NOS1AP: variants seen among roughly 807,000 people sequenced by gnomAD.
The protein encoded by NOS1AP is carboxyl-terminal PDZ ligand of neuronal nitric oxide synthase protein.
In NOS1AP, 21 loss-of-function variants were observed where a neutral mutation model predicts 56.2. The observed-to-expected ratio is 0.37, with a 90% CI of 0.26 to 0.54. NOS1AP has a LOEUF of 0.54. Ranked by LOEUF, NOS1AP falls within the 20% of genes least tolerant of loss-of-function variation. NOS1AP has a pLI of 0.84. For missense variants in NOS1AP, 522 were observed against 657.8 expected (o/e 0.79, Z 2.26); for synonymous variants, 270 against 274.6 (o/e 0.98, Z 0.17).
rs16859948 is a variant in NOS1AP at position 162,301,015 on chromosome 1, A to G, written c.344+309A>G. Among the ~76,000 whole-genome samples, 1,172 of 152,328 alleles carry G rather than the reference A, an allele frequency of 7.7e-3. 17 individuals carry two copies. Among genetic ancestry groups the G allele is most frequent in the African/African-American group, 0.026 (1,097 of 41,560 alleles). On this transcript the variant is annotated intron_variant, in intron 4 of 9. Coordinates refer to ENST00000361897, the MANE Select transcript of NOS1AP (RefSeq NM_014697.3). ...GTCCCAATTGAAATTCTAAAATTGC[A>G]TATATTGATCAAAATAAGAAAACTG...
At chr1:162,252,391 G>C (rs1367482384) in intron 2 of NOS1AP, among the ~76,000 whole-genome samples, 1 of 152,154 alleles carries the variant, frequency 6.6e-6, no homozygotes, top group East Asian at 1.9e-4. Context: ...TTGGTGGAAG[G>C]AAAGGGGAGG....
chr1:162,262,660 T>G (rs1407982442), intron 2 of NOS1AP, among the ~76,000 whole-genome samples: 2 of 152,228 alleles, frequency 1.3e-5, no homozygotes, highest in Admixed American at 6.5e-5. Context: ...TAGCAAATTA[T>G]GTAGAATGAC....
chr1:162,231,607 A>G lies in NOS1AP; in HGVS notation c.178-55737A>G, dbSNP rs1236737205. Among the ~76,000 whole-genome samples the G allele has an allele frequency of 2.0e-5, 3 of 152,138 alleles. No homozygotes were observed. In the East Asian group the frequency reaches 5.8e-4, roughly 29 times the overall value. ...AATTATTGATATTTTATGTTTTTGC[A>G]CTAATGTACAGTTAGTACAAACTGT... is the stretch of plus-strand genomic sequence containing the variant. On this transcript the variant is annotated intron_variant, in intron 2 of 9. Transcript: ENST00000361897.
At chr1:162,191,109 T>G (rs921348928) in intron 2 of NOS1AP, among the ~76,000 whole-genome samples, 2 of 152,170 alleles carry the variant, frequency 1.3e-5, no homozygotes, top group African/African-American at 4.8e-5. Flanking sequence ...TCCACCACCG[T>G]CTAACACCCC....
chr1:162,155,294 A>G (rs1439781927), intron 2 of NOS1AP, among the ~76,000 whole-genome samples: 1 of 145,788 alleles, frequency 6.9e-6, no homozygotes, highest in Non-Finnish European at 1.5e-5. Flanking sequence ...ATATACATAT[A>G]TATGTATATG....
intron 5 of NOS1AP, among the ~76,000 whole-genome samples, chr1:162,341,219 T>C (rs970723907): frequency 1.3e-5 from 2 of 152,226 alleles, no homozygotes; most frequent in African/African-American, 4.8e-5. Flanking sequence ...AAAGGAAGTA[T>C]CTGTGATTTA....
intron 1 of NOS1AP, among the ~76,000 whole-genome samples, chr1:162,102,840 G>A (rs12129948): frequency 0.038 from 5,798 of 152,004 alleles, 143 homozygotes; most frequent in Middle Eastern, 0.082. Context: ...TTCTTTATTA[G>A]TCTGGCTAGT....
intron 1 of NOS1AP, among the ~76,000 whole-genome samples, chr1:162,102,927 C>G (rs1021980585): frequency 6.6e-6 from 1 of 151,948 alleles, no homozygotes; most frequent in African/African-American, 2.4e-5. Context: ...TTGTCTCTAT[C>G]TTCTTTGGTT....
At position 162,269,083 on chromosome 1, in the gene NOS1AP, A is replaced by G. The variant is rs1018466958; in HGVS notation, c.178-18261A>G. ...AGATCCAGGCAAGCCAAAGCACACC[A>G]AAGATCAATTTCTTTGCCAAACATA... On this transcript the variant is annotated intron_variant, in intron 2 of 9. Coordinates refer to ENST00000361897, the MANE Select transcript of NOS1AP (RefSeq NM_014697.3). 1.2e-4 allele frequency among the ~76,000 whole-genome samples: 19 copies of G among 152,370 alleles called. No homozygotes were observed. In the East Asian group the frequency reaches 3.7e-3, roughly 29 times the overall value.
intron 2 of NOS1AP, among the ~76,000 whole-genome samples, chr1:162,223,913 G>T (rs1434045768): frequency 6.6e-6 from 1 of 152,046 alleles, no homozygotes; most frequent in Non-Finnish European, 1.5e-5. Context: ...ATTTATTTTT[G>T]AATCAAAATG....
intron 1 of NOS1AP, among the ~76,000 whole-genome samples, chr1:162,138,737 A>G (rs1649106870): frequency 6.6e-6 from 1 of 152,194 alleles, no homozygotes; most frequent in African/African-American, 2.4e-5. Context: ...AAGAGAGGTC[A>G]TGTGCTTAGC....
At chr1:162,311,937 A>G (rs1571210523) in intron 4 of NOS1AP, among the ~76,000 whole-genome samples, 4 of 121,300 alleles carry the variant, frequency 3.3e-5, no homozygotes, top group Admixed American at 8.5e-5. Flanking sequence ...GCTGCATAGT[A>G]TTCCATGGTG....
At chr1:162,124,569 C>T (rs1648395720) in intron 1 of NOS1AP, among the ~76,000 whole-genome samples, 1 of 151,924 alleles carries the variant, frequency 6.6e-6, no homozygotes, top group Admixed American at 6.6e-5. Flanking sequence ...GTAGTCCAGG[C>T]TGGAGTGCAG....
intron 3 of NOS1AP, among the ~76,000 whole-genome samples, chr1:162,291,866 A>T (rs780846877): frequency 6.6e-6 from 1 of 152,200 alleles, no homozygotes; most frequent in African/African-American, 2.4e-5. Context: ...TATCTTTTCC[A>T]TGTATATGTA....
chr1:162,239,563 A>C (rs904446500), intron 2 of NOS1AP, among the ~76,000 whole-genome samples: 1 of 152,228 alleles, frequency 6.6e-6, no homozygotes, highest in Non-Finnish European at 1.5e-5. Flanking sequence ...ACGTGCTTAT[A>C]TTCAGTTAAG....
At chr1:162,135,460 G>C (rs1171572486) in intron 1 of NOS1AP, among the ~76,000 whole-genome samples, 1 of 152,162 alleles carries the variant, frequency 6.6e-6, no homozygotes, top group Admixed American at 6.5e-5. Flanking sequence ...AGGAACAGTT[G>C]GTACAAATGT....
chr1:162,209,774 G>A (rs1054554464), intron 2 of NOS1AP, among the ~76,000 whole-genome samples: 4 of 152,100 alleles, frequency 2.6e-5, no homozygotes, highest in East Asian at 1.9e-4. Context: ...AGCTGGGGGC[G>A]GGGGGCAAGG....
intron 1 of NOS1AP, among the ~76,000 whole-genome samples, chr1:162,098,507 T>TC (rs1692301749): frequency 1.6e-5 from 2 of 128,914 alleles, no homozygotes; most frequent in Admixed American, 1.6e-4. Flanking sequence ...TTTTTTTTTT[T>TC]CTCTAACTTT....
intron 2 of NOS1AP, among the ~76,000 whole-genome samples, chr1:162,177,658 A>G (rs934380084): frequency 1.3e-5 from 2 of 152,238 alleles, no homozygotes; most frequent in South Asian, 4.1e-4. Context: ...TTTTAACTAA[A>G]TGATGTGATT....
Sources: allele counts gnomAD v4.1 joint callset (sites outside exome capture counted in the v4.1 genomes callset), GRCh38; gene constraint gnomAD v4.1.1; transcripts MANE v1.5; gene names NCBI Gene and HGNC (gene_info 2026-07-23, HGNC 2026-07-21).